Variants in PRDM2 observed in about 807,000 individuals in gnomAD.
The protein encoded by PRDM2 is PR/SET domain 2.
PRDM2 carries 30 observed loss-of-function variants against 130.0 expected under a neutral mutation model. That is an observed-to-expected ratio of 0.23 (90% confidence interval 0.17 to 0.31). PRDM2 has a LOEUF of 0.31. Ranked by LOEUF, PRDM2 falls within the 10% of genes least tolerant of loss-of-function variation. The pLI is 1.00. For missense variants in PRDM2, 2,011 were observed against 2,108.4 expected (o/e 0.95, Z 0.90); for synonymous variants, 871 against 782.4 (o/e 1.11, Z -1.89).
intron 1 of PRDM2, among the ~76,000 whole-genome samples, chr1:13,702,840 C>A (rs767776836): frequency 6.6e-6 from 1 of 152,104 alleles, no homozygotes; most frequent in Non-Finnish European, 1.5e-5. Context: ...CGGACTTCTA[C>A]TAGAAAACTC....
At chr1:13,765,242 A>G (rs1054433677) in intron 6 of PRDM2, among the ~76,000 whole-genome samples, 6 of 152,242 alleles carry the variant, frequency 3.9e-5, no homozygotes, top group Non-Finnish European at 5.9e-5. Context: ...TGACTTCCAG[A>G]GTACCAAGTC....
chr1:13,771,876 T>C lies in PRDM2; in HGVS notation c.512-1202T>C, dbSNP rs1161402713. 1 of 152,266 alleles carries C rather than the reference T, an allele frequency of 6.6e-6. No homozygotes were observed. Among genetic ancestry groups the C allele is most frequent in the Non-Finnish European group, 1.5e-5 (1 of 68,048 alleles). The allele number at this position is 152,266 out of a possible 1,614,324, so 9.4% of individuals were successfully genotyped here. A position where few individuals can be genotyped will look rare whatever the true frequency, so the allele number is the denominator to read the frequency against. On this transcript the variant is annotated intron_variant, in intron 6 of 9. Coordinates refer to ENST00000311066, the MANE Select transcript of PRDM2 (RefSeq NM_001393986.1). This position sits in a 1 kb window ranked among gnomAD's most constrained non-coding sequence, Gnocchi z 4.1. ...TAGGATTTGTTTTTGCTTTGTATTG[T>C]ATTTGATGTTTCTACTTTTAATCTA...
intron 6 of PRDM2, among the ~76,000 whole-genome samples, chr1:13,766,005 A>G (rs1232323047): frequency 6.6e-6 from 1 of 152,180 alleles, no homozygotes; most frequent in African/African-American, 2.4e-5. Context: ...GTCACGAAAG[A>G]CACCTTTGAC....
At chr1:13,708,159 T>G (rs1321948469) in intron 1 of PRDM2, among the ~76,000 whole-genome samples, 1 of 151,990 alleles carries the variant, frequency 6.6e-6, no homozygotes, top group Non-Finnish European at 1.5e-5. Flanking sequence ...GAGCAGTAGA[T>G]TTTGAAAATT....
intron 5 of PRDM2, among the ~76,000 whole-genome samples, chr1:13,746,756 C>T (rs1643622810): frequency 6.6e-6 from 1 of 152,074 alleles, no homozygotes; most frequent in Non-Finnish European, 1.5e-5. Context: ...AGAGTTTCGC[C>T]ATGTTGCCCA....
At chr1:13,756,416 G>C (rs1643955211) in intron 6 of PRDM2, among the ~76,000 whole-genome samples, 1 of 152,200 alleles carries the variant, frequency 6.6e-6, no homozygotes, top group East Asian at 1.9e-4. Context: ...TTGGCATTCA[G>C]ATGGCTTGTT....
chr1:13,728,285 C>CA (rs1303968252), intron 2 of PRDM2, among the ~76,000 whole-genome samples: 1 of 152,160 alleles, frequency 6.6e-6, no homozygotes, highest in Non-Finnish European at 1.5e-5. Context: ...ACTGCAGTCT[C>CA]ACAGAGGAGG....
chr1:13,718,553 C>T (rs535334006), intron 2 of PRDM2, among the ~76,000 whole-genome samples: 15 of 152,340 alleles, frequency 9.8e-5, no homozygotes, highest in African/African-American at 3.4e-4. Flanking sequence ...GCCCAGCTCT[C>T]ACAAAGCTCC....
At chr1:13,754,848 A>G (rs1251175180) in intron 6 of PRDM2, among the ~76,000 whole-genome samples, 1 of 152,158 alleles carries the variant, frequency 6.6e-6, no homozygotes, top group Non-Finnish European at 1.5e-5. Flanking sequence ...GAGTGCTTGG[A>G]CATGGCAGTA....
rs1290161884 is a variant in PRDM2 at position 13,823,101 on chromosome 1, A to G, written c.*24-58A>G. 72 of 1,509,720 alleles carry G rather than the reference A, an allele frequency of 4.8e-5. 1 individual carries two copies. Among genetic ancestry groups the G allele is most frequent in the Middle Eastern group, 1.7e-4 (1 of 5,944 alleles). The allele number at this position is 1,509,720 out of a possible 1,614,324, so 93.5% of individuals were successfully genotyped here. A position where few individuals can be genotyped will look rare whatever the true frequency, so the allele number is the denominator to read the frequency against. ...TAAGTGCAATAACGCATGGACCACC[A>G]TGGTCGGCACTGAATGTGTGCTTAC... is the stretch of plus-strand genomic sequence containing the variant. On this transcript the variant is annotated intron_variant, in intron 9 of 9. Transcript: ENST00000311066.
In PRDM2 at chr1:13,779,424, G is replaced by T; in HGVS notation, c.1629G>T (p.Glu543Asp). The T allele has an allele frequency of 6.2e-7, 1 of 1,614,142 alleles. No homozygotes were observed. Among genetic ancestry groups the T allele is most frequent in the Non-Finnish European group, 8.5e-7 (1 of 1,180,036 alleles). The change falls in exon 8 of 10, where the codon GAG becomes GAT. Residue 543 changes from glutamate to aspartate, a missense_variant. By Grantham distance (45) the Glu-to-Asp change is conservative. Coordinates refer to ENST00000311066, the MANE Select transcript of PRDM2 (RefSeq NM_001393986.1). The surrounding 1 kb of genome is among the most constrained non-coding windows in gnomAD (Gnocchi z 4.9). ...ATQNVYVPST[E>D]PEEEGEADDV... The stretch of plus-strand genomic sequence containing the variant: ...AGAACGTGTATGTACCAAGCACAGA[G>T]CCGGAGGAGGAAGGGGAAGCAGATG...
rs1177345842 is a variant in PRDM2, at chr1:13,824,544, A to G, written c.*1409A>G. On this transcript the variant is annotated 3_prime_UTR_variant, in exon 10 of 10. Coordinates refer to ENST00000311066, the MANE Select transcript of PRDM2 (RefSeq NM_001393986.1). ...AGAAGGGTCTCATGCGGACCCTCACATGGGCAGAAAAATGGTGGTCATTGG... is the reference window on the plus strand; with the variant it reads ...AGAAGGGTCTCATGCGGACCCTCACGTGGGCAGAAAAATGGTGGTCATTGG... 6.6e-6 allele frequency: 1 copy of G among 152,200 alleles called. No homozygotes were observed. The highest frequency in any genetic ancestry group is 1.5e-5 in the Non-Finnish European group (1 of 68,036). 9.4% of individuals were successfully genotyped at this position (152,200 alleles called of 1,614,324 possible). A position where few individuals can be genotyped will look rare whatever the true frequency, so the allele number is the denominator to read the frequency against.
chr1:13,749,278 C>A (rs1225178792), intron 5 of PRDM2, 83 bp from the exon 6 acceptor site: 7 of 1,249,174 alleles, frequency 5.6e-6, no homozygotes, highest in Non-Finnish European at 6.2e-6. Context: ...GCGCCGCTCC[C>A]GCCCGCGTCC....
intron 6 of PRDM2, among the ~76,000 whole-genome samples, chr1:13,768,238 A>G (rs1644276855): frequency 6.9e-6 from 1 of 144,054 alleles, no homozygotes; most frequent in Non-Finnish European, 1.5e-5. Context: ...GCCCACCACC[A>G]CGCCCGGCTA....
rs1278930345 is a variant in PRDM2, at chr1:13,803,236, T to C, written c.5037-13191T>C. ...GGAAGCCACGCTGGGAGGATTTGGT[T>C]CTTGAGCAGCATGGACAGGCACATT... On this transcript the variant is annotated intron_variant, in intron 8 of 9. Transcript: ENST00000311066. This position sits in a 1 kb window ranked among gnomAD's most constrained non-coding sequence, Gnocchi z 6.2. 1.3e-5 allele frequency among the ~76,000 whole-genome samples: 2 copies of C among 152,112 alleles called. No individual in the cohort carries two copies. The highest frequency in any genetic ancestry group is 2.9e-5 in the Non-Finnish European group (2 of 68,006).
chr1:13,769,307 A>G (rs2100617886), intron 6 of PRDM2: 2 of 332,166 alleles, frequency 6.0e-6, no homozygotes, highest in South Asian at 2.4e-4. Context: ...ATTTGATGAC[A>G]TATAGGACAG....
intron 6 of PRDM2, among the ~76,000 whole-genome samples, chr1:13,770,950 G>A (rs377057498): frequency 5.3e-5 from 8 of 152,192 alleles, no homozygotes; most frequent in African/African-American, 1.2e-4. Flanking sequence ...GTGGGTGGGC[G>A]ATAAGCATTT....
chr1:13,757,569 TTTTC>T (rs200670849), intron 6 of PRDM2, among the ~76,000 whole-genome samples: 1,636 of 152,298 alleles, frequency 0.011, 21 homozygotes, highest in Middle Eastern at 0.02. Context: ...CATTTTAAAG[TTTTC>T]TTAAGCTGAA....
In PRDM2 at chr1:13,782,434, CCCT is replaced by C. The variant is rs775006172; in HGVS notation, c.4644_4646del (p.Ser1550del). ...CTCAGGCCCCACCCAAGTCCCACTT[CCCT>C]CCTCATCCTTCAGGTCCAAGCAGAA... is the stretch of plus-strand genomic sequence containing the variant. On this transcript the variant is annotated inframe_deletion, in exon 8 of 10. Transcript: ENST00000311066. 2 of 1,613,930 alleles carry C rather than the reference CCCT, an allele frequency of 1.2e-6. No individual in the cohort carries two copies. The highest frequency in any genetic ancestry group is 3.3e-5 in the Admixed American group (2 of 59,976).
Sources: gnomAD v4.1 joint callset for allele counts (sites outside exome capture counted in the v4.1 genomes callset) on GRCh38, gnomAD v4.1.1 for gene constraint, Gnocchi (gnomAD v3.1) non-coding constraint, MANE v1.5 for transcripts, NCBI Gene and HGNC (gene_info 2026-07-23, HGNC 2026-07-21) for gene names.